Variants in CHODL observed in about 807,000 individuals in gnomAD.
CHODL encodes transmembrane protein MT75.
Under a neutral mutation model 34.5 loss-of-function variants are expected in CHODL, and 29 were observed. That is an observed-to-expected ratio of 0.84 (90% CI 0.63 to 1.15). The LOEUF (loss-of-function observed/expected upper bound fraction) is 1.15. CHODL is among the 50% of genes most tolerant of loss of function. CHODL has a pLI of 0.00. For missense variants in CHODL, 332 were observed against 332.5 expected (o/e 1.00, Z 0.01); for synonymous variants, 125 against 116.1 (o/e 1.08, Z -0.49).
chr21:18,074,865 G>A (rs986759231), intron 2 of CHODL, among the ~76,000 whole-genome samples: 4 of 152,182 alleles, frequency 2.6e-5, no homozygotes, highest in African/African-American at 4.8e-5. Context: ...TGAGGAGCCC[G>A]TAGAAAGAAT....
At chr21:18,050,835 A>C (rs373517135) in intron 2 of CHODL, among the ~76,000 whole-genome samples, 9 of 151,936 alleles carry the variant, frequency 5.9e-5, no homozygotes, top group Non-Finnish European at 1.0e-4. Context: ...GTTAGAAAAG[A>C]AAAACTGAAG....
At chr21:18,090,804 A>G (rs938613524) in intron 2 of CHODL, among the ~76,000 whole-genome samples, 8 of 152,098 alleles carry the variant, frequency 5.3e-5, no homozygotes, top group African/African-American at 1.9e-4. Context: ...GCAGAGTAGA[A>G]GCCTACATTG....
At chr21:18,081,971 T>G (rs1047143234) in intron 2 of CHODL, among the ~76,000 whole-genome samples, 8 of 152,220 alleles carry the variant, frequency 5.3e-5, no homozygotes, top group African/African-American at 1.9e-4. Context: ...GATTTGCATA[T>G]GTTTAACCAT....
At chr21:18,016,371 C>T (rs1278012401) in intron 1 of CHODL, among the ~76,000 whole-genome samples, 2 of 152,198 alleles carry the variant, frequency 1.3e-5, no homozygotes, top group Non-Finnish European at 2.9e-5. Flanking sequence ...GGTATTGGTC[C>T]TGTGGGTGCG....
intron 2 of CHODL, among the ~76,000 whole-genome samples, chr21:18,129,882 CTGTCTTTCTCTGTGTGTGTGTGTG>C (rs1274514089): frequency 1.6e-5 from 2 of 127,682 alleles, no homozygotes; most frequent in Non-Finnish European, 3.3e-5. Flanking sequence ...TTCTCTCTCT[CTGTCTTTCTCTGTGTGTGTGTGTG>C]TGTGTGTGTG....
chr21:18,030,447 C>T (rs2064234714), intron 2 of CHODL, among the ~76,000 whole-genome samples: 1 of 152,094 alleles, frequency 6.6e-6, no homozygotes, highest in African/African-American at 2.4e-5. Context: ...TCAGAAACAC[C>T]CAGCTGAGCC....
At chr21:17,984,351 T>A (rs2063737346) in intron 1 of CHODL, among the ~76,000 whole-genome samples, 1 of 152,192 alleles carries the variant, frequency 6.6e-6, no homozygotes, top group African/African-American at 2.4e-5. Flanking sequence ...GAAATCTCTT[T>A]ATGATTCTGA....
intron 2 of CHODL, among the ~76,000 whole-genome samples, chr21:18,060,098 G>A (rs1010762535): frequency 7.9e-5 from 12 of 152,102 alleles, no homozygotes; most frequent in African/African-American, 2.7e-4. Context: ...CCCACTGATC[G>A]CTTCGTATCA....
At chr21:18,210,866 A>G (rs2073765347) in intron 2 of CHODL, among the ~76,000 whole-genome samples, 1 of 152,154 alleles carries the variant, frequency 6.6e-6, no homozygotes, top group Non-Finnish European at 1.5e-5. Context: ...ACTTCTCCAA[A>G]GTTGTTCCAT....
intron 2 of CHODL, among the ~76,000 whole-genome samples, chr21:18,029,992 G>A (rs1037119257): frequency 6.6e-6 from 1 of 152,040 alleles, no homozygotes; most frequent in Non-Finnish European, 1.5e-5. Flanking sequence ...TAGCCCCCTT[G>A]TCAATTATGT....
intron 3 of CHODL, among the ~76,000 whole-genome samples, chr21:18,258,953 G>A (rs905509431): frequency 2.0e-5 from 3 of 152,096 alleles, no homozygotes; most frequent in African/African-American, 7.2e-5. Flanking sequence ...GAGTGACTAA[G>A]TTCTCTAGAA....
At chr21:17,930,093 A>G (rs956131871) in intron 1 of CHODL, among the ~76,000 whole-genome samples, 4 of 148,706 alleles carry the variant, frequency 2.7e-5, no homozygotes, top group Non-Finnish European at 6.0e-5. Flanking sequence ...TGCAACTGCC[A>G]CCACCACTGC....
rs571884887 is a variant in CHODL, at chr21:18,208,150, T to C, written c.-44-48359T>C. 4.1e-5 allele frequency among the ~76,000 whole-genome samples: 6 copies of C among 147,778 alleles called. No homozygotes were observed. In the South Asian group the frequency reaches 1.3e-3, roughly 31 times the overall value. Reference sequence around the variant, plus strand: ...TTCTAGATTTTGCAGGTGTGTTTCATTCTTTTTAATTCTTCTTCTTCTTTT... The same window carrying C: ...TTCTAGATTTTGCAGGTGTGTTTCACTCTTTTTAATTCTTCTTCTTCTTTT... On this transcript the variant is annotated intron_variant, in intron 2 of 6. Coordinates refer to the CHODL transcript ENST00000400127.
intron 2 of CHODL, among the ~76,000 whole-genome samples, chr21:18,040,804 AGGTGG>A (rs1175331481): frequency 6.6e-6 from 1 of 150,958 alleles, no homozygotes; most frequent in Non-Finnish European, 1.5e-5. Flanking sequence ...GTCTACTCGC[AGGTGG>A]TAAAAAAATC....
At chr21:17,930,357 G>C (rs1033002665) in intron 1 of CHODL, among the ~76,000 whole-genome samples, 8 of 152,306 alleles carry the variant, frequency 5.3e-5, no homozygotes, top group Admixed American at 2.0e-4. Flanking sequence ...GCAGTTGTAG[G>C]GAGGGAACAG....
At chr21:18,067,162 A>G (rs1205500181) in intron 2 of CHODL, among the ~76,000 whole-genome samples, 1 of 152,154 alleles carries the variant, frequency 6.6e-6, no homozygotes, top group Non-Finnish European at 1.5e-5. Context: ...AGCAGTATAG[A>G]AAGATGTCTG....
At chr21:18,204,261 C>A (rs143599176) in intron 2 of CHODL, among the ~76,000 whole-genome samples, 1 of 152,104 alleles carries the variant, frequency 6.6e-6, no homozygotes, top group African/African-American at 2.4e-5. Flanking sequence ...ACCTTAAATA[C>A]ATCAGCTTAT....
At chr21:18,129,849 G>C (rs2072630996) in intron 2 of CHODL, among the ~76,000 whole-genome samples, 2 of 151,612 alleles carry the variant, frequency 1.3e-5, no homozygotes, top group Admixed American at 1.3e-4. Context: ...GCATGGTGTT[G>C]GGTAATAAAT....
At chr21:18,104,285 T>G (rs541949228) in intron 2 of CHODL, among the ~76,000 whole-genome samples, 1 of 152,256 alleles carries the variant, frequency 6.6e-6, no homozygotes, top group African/African-American at 2.4e-5. Flanking sequence ...GTTTCCCCCA[T>G]GTTGCTCTCA....
Sources: gnomAD v4.1 joint callset for allele counts (sites outside exome capture counted in the v4.1 genomes callset) on GRCh38, gnomAD v4.1.1 for gene constraint, MANE v1.5 for transcripts, NCBI Gene and HGNC (gene_info 2026-07-23, HGNC 2026-07-21) for gene names.